Variants in NELL1 observed in about 807,000 individuals in gnomAD.
The protein encoded by NELL1 is neural EGFL like 1, also known as protein kinase C-binding protein NELL1.
NELL1 carries 76 observed loss-of-function variants against 107.4 expected under a neutral mutation model. The observed-to-expected ratio is 0.71, with a 90% confidence interval of 0.59 to 0.86. The LOEUF is 0.86. Ranked by LOEUF, NELL1 falls within the 40% of genes least tolerant of loss-of-function variation. NELL1 has a pLI of 0.00. For missense variants in NELL1, 1,024 were observed against 1,005.5 expected, an observed-to-expected ratio of 1.02 and a Z score of -0.25; for synonymous variants, 353 against 341.2, an observed-to-expected ratio of 1.03 and a Z score of -0.38.
chr11:21,304,005 G>A (rs1849553815), intron 14 of NELL1, among the ~76,000 whole-genome samples: 2 of 151,932 alleles, frequency 1.3e-5, no homozygotes, highest in Admixed American at 6.6e-5. Context: ...TATTCATGGG[G>A]CAGAATTAAT....
chr11:21,466,825 G>C (rs1854044542), intron 15 of NELL1, among the ~76,000 whole-genome samples: 1 of 151,860 alleles, frequency 6.6e-6, no homozygotes, highest in African/African-American at 2.4e-5. Context: ...ACAGTGGCCA[G>C]GGATGTCAGG....
chr11:21,309,416 C>G (rs1219421669), intron 14 of NELL1, among the ~76,000 whole-genome samples: 1 of 150,490 alleles, frequency 6.6e-6, no homozygotes, highest in African/African-American at 2.4e-5. Flanking sequence ...AACTCTACTT[C>G]CACAATAAGA....
chr11:20,972,407 C>A (rs1444425572), intron 12 of NELL1, among the ~76,000 whole-genome samples: 1 of 151,894 alleles, frequency 6.6e-6, no homozygotes, highest in African/African-American at 2.4e-5. Flanking sequence ...AGGAAAGATA[C>A]CAGTCAAGAG....
At chr11:20,838,366 AAAGGG>A (rs1415714206) in intron 3 of NELL1, among the ~76,000 whole-genome samples, 1 of 150,054 alleles carries the variant, frequency 6.7e-6, no homozygotes, top group African/African-American at 2.5e-5. Flanking sequence ...TGGAACCTAA[AAAGGG>A]TATTAGGTGA....
chr11:21,280,526 G>A (rs182977310), intron 14 of NELL1, among the ~76,000 whole-genome samples: 1 of 152,264 alleles, frequency 6.6e-6, no homozygotes, highest in Non-Finnish European at 1.5e-5. Context: ...GCATTTGTGG[G>A]AGGGGGAGAG....
At chr11:21,135,816 T>TTACTTC (rs541569619) in intron 13 of NELL1, among the ~76,000 whole-genome samples, 188 of 152,310 alleles carry the variant, frequency 1.2e-3, no homozygotes, top group Non-Finnish European at 2.2e-3. Flanking sequence ...TTCATATGGT[T>TTACTTC]ATATAGATTT....
chr11:21,130,232 C>G (rs950161892), intron 13 of NELL1, among the ~76,000 whole-genome samples: 1 of 152,148 alleles, frequency 6.6e-6, no homozygotes, highest in Non-Finnish European at 1.5e-5. Flanking sequence ...GTGAGTATCT[C>G]TAGTACTGTC....
intron 13 of NELL1, among the ~76,000 whole-genome samples, chr11:21,152,424 A>T (rs1353803353): frequency 6.6e-6 from 1 of 152,232 alleles, no homozygotes; most frequent in Non-Finnish European, 1.5e-5. Flanking sequence ...ACCAGCAAAG[A>T]CAGCTTCAAT....
At chr11:20,673,639 A>G (rs1046253201) in intron 1 of NELL1, among the ~76,000 whole-genome samples, 3 of 152,224 alleles carry the variant, frequency 2.0e-5, no homozygotes, top group African/African-American at 7.2e-5. Flanking sequence ...AATCCTAGTC[A>G]GGCCTCAAGT....
At chr11:20,683,620 T>A (rs990381072) in intron 2 of NELL1, among the ~76,000 whole-genome samples, 12 of 152,126 alleles carry the variant, frequency 7.9e-5, no homozygotes, top group Admixed American at 6.6e-5. Flanking sequence ...TCTTTAACAT[T>A]TAACATTTCT....
At chr11:20,804,286 A>G (rs1463320344) in intron 3 of NELL1, among the ~76,000 whole-genome samples, 4 of 152,060 alleles carry the variant, frequency 2.6e-5, no homozygotes, top group African/African-American at 7.2e-5. Context: ...CCCAGGCTGG[A>G]GTGCAGTGGT....
At chr11:21,089,424 C>T (rs184446829) in intron 12 of NELL1, among the ~76,000 whole-genome samples, 28 of 152,268 alleles carry the variant, frequency 1.8e-4, no homozygotes, top group Non-Finnish European at 2.4e-4. Flanking sequence ...GTCTTCTCCC[C>T]TGTGGTGCAT....
At chr11:21,109,910 C>A (rs1444556375) in intron 12 of NELL1, among the ~76,000 whole-genome samples, 6 of 152,058 alleles carry the variant, frequency 3.9e-5, no homozygotes, top group Non-Finnish European at 8.8e-5. Context: ...TGTGTGTTTC[C>A]CTGAGGATGG....
rs1213816771 is a variant in NELL1 at position 21,272,220 on chromosome 11, C to T, written c.1549+42766C>T. On this transcript the variant is annotated intron_variant, in intron 14 of 19. Coordinates refer to ENST00000357134, the MANE Select transcript of NELL1 (RefSeq NM_006157.5). ...CTCCCACCCTAATACTGCACTTTTC[C>T]AACAGTCTTAGCAAATGGCACACCA... Among the ~76,000 whole-genome samples the T allele has an allele frequency of 3.3e-5, 5 of 152,180 alleles. No individual in the cohort carries two copies. In the East Asian group the frequency reaches 5.8e-4, roughly 18 times the overall value.
At chr11:21,165,535 C>G (rs1224706390) in intron 13 of NELL1, among the ~76,000 whole-genome samples, 1 of 152,088 alleles carries the variant, frequency 6.6e-6, no homozygotes, top group Non-Finnish European at 1.5e-5. Context: ...AAACTAAAAA[C>G]AGAGTTACTA....
At chr11:21,081,210 T>G (rs1854259936) in intron 12 of NELL1, among the ~76,000 whole-genome samples, 1 of 152,160 alleles carries the variant, frequency 6.6e-6, no homozygotes, top group Admixed American at 6.6e-5. Context: ...TTGACCTTTG[T>G]CAATCACCAA....
intron 5 of NELL1, among the ~76,000 whole-genome samples, chr11:20,914,922 C>T (rs973309428): frequency 1.3e-5 from 2 of 151,990 alleles, no homozygotes; most frequent in African/African-American, 2.4e-5. Context: ...TTCCAAAATT[C>T]TGATATATAC....
At chr11:20,813,924 A>AT (rs1385028189) in intron 3 of NELL1, among the ~76,000 whole-genome samples, 19 of 151,854 alleles carry the variant, frequency 1.3e-4, no homozygotes, top group South Asian at 8.3e-4. Context: ...ATATGTAGGT[A>AT]TTTTTTAAAA....
At chr11:21,120,156 T>C (rs1387383451) in intron 13 of NELL1, among the ~76,000 whole-genome samples, 2 of 152,116 alleles carry the variant, frequency 1.3e-5, no homozygotes, top group African/African-American at 4.8e-5. Context: ...ACTTAAAGAC[T>C]TAGATATAAT....
Sources: gnomAD v4.1 joint callset for allele counts (sites outside exome capture counted in the v4.1 genomes callset) on GRCh38, gnomAD v4.1.1 for gene constraint, MANE v1.5 for transcripts, NCBI Gene and HGNC (gene_info 2026-07-23, HGNC 2026-07-21) for gene names.